Variants in MBD5 observed in about 807,000 individuals in gnomAD.
The protein encoded by MBD5 is methyl-CpG-binding domain protein 5.
In MBD5, 13 loss-of-function variants were observed where a neutral mutation model predicts 117.3. The ratio of observed to expected loss-of-function variants is 0.11; its 90% CI spans 0.07 to 0.18. The LOEUF is 0.18. Ranked by LOEUF, MBD5 falls within the 10% of genes least tolerant of loss-of-function variation. MBD5 has a pLI of 1.00. For missense variants in MBD5, 1,879 were observed against 2,093.8 expected (o/e 0.90, Z 2.00); for synonymous variants, 727 against 766.4 (o/e 0.95, Z 0.85).
intron 4 of MBD5, among the ~76,000 whole-genome samples, chr2:148,414,515 T>A (rs1006478178): frequency 6.6e-6 from 1 of 152,158 alleles, no homozygotes; most frequent in Non-Finnish European, 1.5e-5. Context: ...CCAGATATCT[T>A]TTTTAGTTTC....
At chr2:148,164,183 A>AT (rs1356938800) in intron 1 of MBD5, among the ~76,000 whole-genome samples, 3 of 152,220 alleles carry the variant, frequency 2.0e-5, no homozygotes, top group Non-Finnish European at 4.4e-5. Context: ...ATTTATGCAG[A>AT]TAGTAGCTGT....
At chr2:148,385,353 G>GA (rs1277411585) in intron 4 of MBD5, among the ~76,000 whole-genome samples, 6 of 152,298 alleles carry the variant, frequency 3.9e-5, no homozygotes, top group Admixed American at 3.9e-4. Context: ...AAAGACACAT[G>GA]AAAAAATACT....
At chr2:148,466,398 T>C (rs1339415947) in intron 7 of MBD5, among the ~76,000 whole-genome samples, 1 of 152,162 alleles carries the variant, frequency 6.6e-6, no homozygotes, top group African/African-American at 2.4e-5. Context: ...AAATTTTTTC[T>C]GAACCACAGT....
At chr2:148,223,090 C>T (rs1361451719) in intron 2 of MBD5, among the ~76,000 whole-genome samples, 3 of 152,084 alleles carry the variant, frequency 2.0e-5, no homozygotes, top group Admixed American at 2.0e-4. Context: ...ACATGTTGAA[C>T]CATCCTTGCA....
chr2:148,323,697 G>GT (rs1430863274), intron 3 of MBD5, among the ~76,000 whole-genome samples: 2 of 151,970 alleles, frequency 1.3e-5, no homozygotes, highest in African/African-American at 2.4e-5. Context: ...GGGGTTGTTT[G>GT]TTTTTTTCTT....
intron 2 of MBD5, among the ~76,000 whole-genome samples, chr2:148,203,439 T>A (rs1317431559): frequency 1.3e-5 from 2 of 152,220 alleles, no homozygotes; most frequent in Non-Finnish European, 1.5e-5. Context: ...AGTGCTCGCT[T>A]GATGTCTGTG....
intron 1 of MBD5, among the ~76,000 whole-genome samples, chr2:148,160,720 C>T (rs902267252): frequency 6.6e-6 from 1 of 152,154 alleles, no homozygotes; most frequent in Admixed American, 6.5e-5. Context: ...GAACTTGCAT[C>T]TTAGCCCCTT....
At chr2:148,213,787 A>G (rs1176108608) in intron 2 of MBD5, among the ~76,000 whole-genome samples, 1 of 152,192 alleles carries the variant, frequency 6.6e-6, no homozygotes, top group Non-Finnish European at 1.5e-5. Context: ...AGGCAAATTT[A>G]TAGACATCAA....
chr2:148,228,043 AT>A, intron 2 of MBD5, among the ~76,000 whole-genome samples: 1 of 152,362 alleles, frequency 6.6e-6, no homozygotes, highest in Middle Eastern at 3.4e-3. Context: ...ATATACAATC[AT>A]GTCCTCTGCA....
In MBD5 at chr2:148,088,278, A is replaced by G. The variant is rs571626975; in HGVS notation, c.-925+66594A>G. The stretch of plus-strand genomic sequence containing the variant: ...AGAAGATAAATTTAAAAGTTTGGAA[A>G]ATATATCTGAGGGATTAATTGAGGA... On this transcript the variant is annotated intron_variant, in intron 1 of 13. Coordinates refer to ENST00000642680, the MANE Select transcript of MBD5 (RefSeq NM_001378120.1). Among the ~76,000 whole-genome samples, 3 of 152,160 alleles carry G rather than the reference A, an allele frequency of 2.0e-5. No individual in the cohort carries two copies. The South Asian group carries it at 6.2e-4, about 31-fold the overall frequency.
chr2:148,490,496 G>T lies in MBD5; in HGVS notation c.4864G>T (p.Val1622Phe). The change falls in exon 11 of 14, where the codon GTC becomes TTC. Residue 1622 changes from valine (V) to phenylalanine (F), a missense_variant. Val to Phe is a conservative substitution (Grantham distance 50). Around this residue, in one of 4 missense-constraint regions of MBD5, gnomAD observed 135 missense variants for 148.0 expected, o/e 0.91. Coordinates refer to ENST00000642680, the MANE Select transcript of MBD5 (RefSeq NM_001378120.1). ...RPRTFNVGDL[V>F]WGQIKGLTSW... ...AAGGACGTTCAATGTTGGCGACTTGGTCTGGGGCCAAATCAAAGGACTGAC... is the reference window on the plus strand; with the variant it reads ...AAGGACGTTCAATGTTGGCGACTTGTTCTGGGGCCAAATCAAAGGACTGAC... 6.2e-7 allele frequency: 1 copy of T among 1,614,196 alleles called. No homozygotes were observed. The highest frequency in any genetic ancestry group is 8.5e-7 in the Non-Finnish European group (1 of 1,180,036).
chr2:148,309,948 T>G (rs1701989807), intron 3 of MBD5, among the ~76,000 whole-genome samples: 1 of 152,248 alleles, frequency 6.6e-6, no homozygotes, highest in Non-Finnish European at 1.5e-5. Flanking sequence ...TGGATTATGT[T>G]TATTGATTTA....
At chr2:148,160,949 G>C (rs1027292417) in intron 1 of MBD5, among the ~76,000 whole-genome samples, 1 of 152,104 alleles carries the variant, frequency 6.6e-6, no homozygotes, top group Non-Finnish European at 1.5e-5. Flanking sequence ...CGTAGTAGGA[G>C]TTCAAAATAT....
chr2:148,155,979 C>T (rs990575991), intron 1 of MBD5, among the ~76,000 whole-genome samples: 4 of 152,116 alleles, frequency 2.6e-5, no homozygotes, highest in Admixed American at 6.5e-5. Context: ...ACTGTCCAAA[C>T]GAAGGGACCA....
chr2:148,400,444 T>C (rs1347837700), intron 4 of MBD5, among the ~76,000 whole-genome samples: 1 of 152,222 alleles, frequency 6.6e-6, no homozygotes, highest in Non-Finnish European at 1.5e-5. Context: ...CTGAAACCCT[T>C]ATTCACTGAC....
intron 10 of MBD5, among the ~76,000 whole-genome samples, chr2:148,486,503 A>G (rs185095859): frequency 2.0e-4 from 30 of 152,336 alleles, no homozygotes; most frequent in Admixed American, 9.2e-4. Context: ...ATTTGAATAG[A>G]TAAAAATTTA....
intron 3 of MBD5, among the ~76,000 whole-genome samples, chr2:148,308,563 C>G (rs577602684): frequency 8.2e-6 from 1 of 121,698 alleles, no homozygotes; most frequent in African/African-American, 3.1e-5. Context: ...AGCCCTTTGT[C>G]AGGTGAATAG....
At chr2:148,086,800 C>T (rs1234413) in intron 1 of MBD5, among the ~76,000 whole-genome samples, 67,988 of 151,872 alleles carry the variant, frequency 0.45, 15,333 homozygotes, top group South Asian at 0.51. Context: ...TTATGCTACC[C>T]GTAGTTCTGG....
rs1030574917 is a variant in MBD5 at position 148,042,718 on chromosome 2, A to G, written c.-925+21034A>G. ...AATCTCTTACAAAGAAAATTATGATATTAATAGTTTCCTTACTCACATTTG... is the reference window on the plus strand; with the variant it reads ...AATCTCTTACAAAGAAAATTATGATGTTAATAGTTTCCTTACTCACATTTG... On this transcript the variant is annotated intron_variant, in intron 1 of 13. Coordinates refer to ENST00000642680, the MANE Select transcript of MBD5 (RefSeq NM_001378120.1). Among the ~76,000 whole-genome samples the G allele has an allele frequency of 2.6e-5, 4 of 152,306 alleles. No homozygotes were observed. In the South Asian group the frequency reaches 8.3e-4, roughly 32 times the overall value.
Sources: allele counts gnomAD v4.1 joint callset (sites outside exome capture counted in the v4.1 genomes callset), GRCh38; gene constraint gnomAD v4.1.1; regional missense constraint gnomAD v4.1.1; transcripts MANE v1.5; gene names NCBI Gene and HGNC (gene_info 2026-07-23, HGNC 2026-07-21).